Variants in CNTN1 observed in about 807,000 individuals in gnomAD.
The protein encoded by CNTN1 is contactin 1.
A neutral mutation model predicts 126.4 loss-of-function variants in CNTN1; 38 were observed. The ratio of observed to expected loss-of-function variants is 0.30; its 90% confidence interval spans 0.23 to 0.39. The LOEUF (loss-of-function observed/expected upper bound fraction) is 0.39, where lower values mean the gene tolerates loss of function less well. Ranked by LOEUF, CNTN1 falls within the 10% of genes least tolerant of loss-of-function variation. The pLI is 1.00. For missense variants in CNTN1, 1,009 were observed against 1,248.4 expected (o/e 0.81, Z 2.89); for synonymous variants, 413 against 422.6 (o/e 0.98, Z 0.28).
At chr12:41,066,607 C>A (rs370451127) in intron 23 of CNTN1, among the ~76,000 whole-genome samples, 1 of 152,102 alleles carries the variant, frequency 6.6e-6, no homozygotes, top group East Asian at 1.9e-4. Context: ...AGAGAAAATT[C>A]TAAATGTTAT....
At chr12:40,791,233 A>G (rs1940210513) in intron 1 of CNTN1, among the ~76,000 whole-genome samples, 1 of 152,102 alleles carries the variant, frequency 6.6e-6, no homozygotes, top group Non-Finnish European at 1.5e-5. Flanking sequence ...TTAACATGGC[A>G]TTAGTTACCT....
intron 1 of CNTN1, among the ~76,000 whole-genome samples, chr12:40,893,350 C>T (rs1208759720): frequency 6.6e-6 from 1 of 151,948 alleles, no homozygotes; most frequent in East Asian, 1.9e-4. Flanking sequence ...CTATAACAAA[C>T]TTTATATGTT....
chr12:40,845,745 G>T (rs1244891480), intron 1 of CNTN1, among the ~76,000 whole-genome samples: 2 of 152,086 alleles, frequency 1.3e-5, no homozygotes, highest in Non-Finnish European at 2.9e-5. Flanking sequence ...AGCACACTGG[G>T]GTATGGGGAG....
intron 12 of CNTN1, among the ~76,000 whole-genome samples, chr12:40,942,508 G>C (rs921164773): frequency 7.9e-5 from 12 of 152,062 alleles, no homozygotes; most frequent in Non-Finnish European, 1.5e-4. Context: ...CCAGGAGCAG[G>C]CCTGGTTTAA....
At chr12:40,701,407 C>T (rs1360029089) in intron 1 of CNTN1, among the ~76,000 whole-genome samples, 1 of 152,090 alleles carries the variant, frequency 6.6e-6, no homozygotes, top group Non-Finnish European at 1.5e-5. Flanking sequence ...AAACCATAAA[C>T]AGTAATTCTC....
chr12:40,828,579 A>G (rs1941697503), intron 1 of CNTN1, among the ~76,000 whole-genome samples: 1 of 152,172 alleles, frequency 6.6e-6, no homozygotes, highest in African/African-American at 2.4e-5. Context: ...CAGTAGAATG[A>G]GCTGAATCAA....
intron 1 of CNTN1, among the ~76,000 whole-genome samples, chr12:40,707,252 T>C (rs796473743): frequency 0.013 from 1,260 of 99,684 alleles, 55 homozygotes; most frequent in East Asian, 0.021. Flanking sequence ...TTTTTTTTTT[T>C]TTTTTTTTTT....
intron 1 of CNTN1, among the ~76,000 whole-genome samples, chr12:40,767,248 G>C (rs559765560): frequency 7.1e-6 from 1 of 140,178 alleles, no homozygotes; most frequent in African/African-American, 2.6e-5. Context: ...GATATAAGAT[G>C]TTTACTTCTT....
chr12:40,879,588 A>G (rs1031377174), intron 1 of CNTN1, among the ~76,000 whole-genome samples: 9 of 152,164 alleles, frequency 5.9e-5, no homozygotes, highest in Non-Finnish European at 1.2e-4. Flanking sequence ...GACAAAAATC[A>G]AGGGTCTAGT....
chr12:40,975,635 T>C (rs1947652204), intron 15 of CNTN1, among the ~76,000 whole-genome samples: 1 of 151,978 alleles, frequency 6.6e-6, no homozygotes, highest in Non-Finnish European at 1.5e-5. Context: ...AGTGAAAGAA[T>C]ATAATGGGTG....
chr12:41,032,948 A>G (rs570626570), intron 23 of CNTN1, among the ~76,000 whole-genome samples: 5 of 152,304 alleles, frequency 3.3e-5, no homozygotes, highest in Admixed American at 3.3e-4. Context: ...ATTTCTGTAT[A>G]GAGAAAAGCC....
At chr12:40,970,899 C>CT (rs1451553482) in intron 15 of CNTN1, among the ~76,000 whole-genome samples, 8 of 152,250 alleles carry the variant, frequency 5.3e-5, no homozygotes, top group African/African-American at 1.7e-4. Flanking sequence ...TTCATGGCAA[C>CT]TTTTTATAAA....
intron 20 of CNTN1, 36 bp from the exon 21 acceptor site, chr12:41,025,114 T>A: frequency 1.2e-6 from 2 of 1,610,396 alleles, no homozygotes; most frequent in Non-Finnish European, 1.7e-6. Context: ...AGACTCTAAA[T>A]CATGGCAAAA....
chr12:40,871,006 G>C (rs1195567585), intron 1 of CNTN1, among the ~76,000 whole-genome samples: 1 of 151,804 alleles, frequency 6.6e-6, no homozygotes, highest in Non-Finnish European at 1.5e-5. Flanking sequence ...ACCTGGAGGA[G>C]AGAGATGAGT....
chr12:40,773,718 CAT>C (rs1376878278), intron 1 of CNTN1, among the ~76,000 whole-genome samples: 10 of 55,512 alleles, frequency 1.8e-4, no homozygotes, highest in African/African-American at 5.7e-4. Context: ...TATATATACA[CAT>C]ATATATATAT....
intron 15 of CNTN1, chr12:40,979,341 G>GT (rs1947762542): frequency 6.6e-6 from 1 of 152,044 alleles, no homozygotes; most frequent in African/African-American, 2.4e-5. Flanking sequence ...AAGGAAATGG[G>GT]TGAAGGTTTG....
In CNTN1 at chr12:40,933,436, A is replaced by G. The variant is rs761007424; in HGVS notation, c.704-25A>G. 4 of 1,395,932 alleles carry G rather than the reference A, an allele frequency of 2.9e-6. No individual in the cohort carries two copies. In the Admixed American group the frequency reaches 6.7e-5, roughly 23 times the overall value. The allele number at this position is 1,395,932 out of a possible 1,614,324, so 86.5% of individuals were successfully genotyped here. Reference sequence around the variant, plus strand: ...TAATATTGTGCCTAATAATTAGTGGATATTTGTGTTTCTCTTAATATTAGG... The same window carrying G: ...TAATATTGTGCCTAATAATTAGTGGGTATTTGTGTTTCTCTTAATATTAGG... On this transcript the variant is annotated intron_variant, in intron 7 of 23. Transcript: ENST00000551295.
intron 1 of CNTN1, among the ~76,000 whole-genome samples, chr12:40,747,894 A>G (rs1211490283): frequency 6.6e-6 from 1 of 152,178 alleles, no homozygotes; most frequent in Non-Finnish European, 1.5e-5. Context: ...TTTCTCAGCA[A>G]TCAGTAGTCT....
chr12:41,045,568 G>T (rs1269591730), intron 23 of CNTN1, among the ~76,000 whole-genome samples: 1 of 152,112 alleles, frequency 6.6e-6, no homozygotes, highest in African/African-American at 2.4e-5. Flanking sequence ...GCTTAAACTG[G>T]AAAGTGATAT....
Sources: gnomAD v4.1 joint callset for allele counts (sites outside exome capture counted in the v4.1 genomes callset) on GRCh38, gnomAD v4.1.1 for gene constraint, MANE v1.5 for transcripts, NCBI Gene and HGNC (gene_info 2026-07-23, HGNC 2026-07-21) for gene names.